ZNF43: variants seen among roughly 807,000 people sequenced by gnomAD.
The protein encoded by ZNF43 is zinc finger protein 39-like 1 (KOX 27).
A neutral mutation model predicts 68.4 loss-of-function variants in ZNF43; 44 were observed. The observed-to-expected ratio is 0.64, with a 90% CI of 0.51 to 0.83. ZNF43 has a LOEUF of 0.83. Ranked by LOEUF, ZNF43 falls within the 40% of genes least tolerant of loss-of-function variation. The pLI is 0.00. For missense variants in ZNF43, 896 were observed against 933.2 expected (o/e 0.96, Z 0.52); for synonymous variants, 308 against 307.8 (o/e 1.00, Z -0.01).
At chr19:21,827,293 A>G (rs1204722162) in intron 1 of ZNF43, 1 of 152,134 alleles carries the variant, frequency 6.6e-6, no homozygotes, top group Non-Finnish European at 1.5e-5. Flanking sequence ...TGAAGAATTG[A>G]AATCTTGAGT....
upstream of ZNF43, among the ~76,000 whole-genome samples, chr19:21,836,798 C>A (rs1296170577): frequency 3.3e-5 from 5 of 152,098 alleles, no homozygotes; most frequent in Non-Finnish European, 5.9e-5. Flanking sequence ...CACTAGATAG[C>A]CCAGAATGGT....
In ZNF43 at chr19:21,822,707, A is replaced by AG. The variant is rs376276818; in HGVS notation, c.4-3487dup. 8.7e-3 allele frequency among the ~76,000 whole-genome samples: 1,316 copies of AG among 152,060 alleles called. 24 individuals carry two copies. The highest frequency in any genetic ancestry group is 0.03 in the African/African-American group (1,250 of 41,448). On this transcript the variant is annotated intron_variant, in intron 1 of 3. Coordinates refer to ENST00000354959, the MANE Select transcript of ZNF43 (RefSeq NM_003423.4). Reference sequence around the variant, plus strand: ...GTAGTCCCAGCTACTGGGGAGGCTGAGGGGGGAGAATGACGTGAACCCAGG... The same window carrying AG: ...GTAGTCCCAGCTACTGGGGAGGCTGAGGGGGGGAGAATGACGTGAACCCAGG...
Position 21,821,507 on chromosome 19 carries a change from A to G in ZNF43, c.4-2286T>C, listed in dbSNP as rs888574719. 2.0e-5 allele frequency among the ~76,000 whole-genome samples: 3 copies of G among 152,196 alleles called. No individual in the cohort carries two copies. In the East Asian group the frequency reaches 5.8e-4, roughly 29 times the overall value. ...TTTAAACAAGCATTTTCTGAATCCT[A>G]TTCTGCATAGAGCTAATAAAAAACA... On this transcript the variant is annotated intron_variant, in intron 1 of 3. Coordinates refer to ENST00000354959, the MANE Select transcript of ZNF43 (RefSeq NM_003423.4).
At chr19:21,811,546 A>T (rs2037271650) in intron 3 of ZNF43, among the ~76,000 whole-genome samples, 1 of 150,906 alleles carries the variant, frequency 6.6e-6, no homozygotes, top group South Asian at 2.1e-4. Flanking sequence ...AAAAAAAAAA[A>T]CAAAAAAAAA....
chr19:21,851,835 TGAG>T, intron 1 of ZNF43: 2 of 1,491,166 alleles, frequency 1.3e-6, no homozygotes, highest in Non-Finnish European at 1.8e-6. Flanking sequence ...GAGCGGACTG[TGAG>T]GAGGCCGGTC....
At chr19:21,816,521 G>A (rs1017465520) in intron 3 of ZNF43, among the ~76,000 whole-genome samples, 14 of 152,088 alleles carry the variant, frequency 9.2e-5, no homozygotes, top group Non-Finnish European at 2.1e-4. Flanking sequence ...AGAAAATTCT[G>A]AACTTACTCT....
intron 1 of ZNF43, among the ~76,000 whole-genome samples, chr19:21,850,238 CAG>C (rs762614031): frequency 1.3e-5 from 2 of 152,162 alleles, no homozygotes; most frequent in Non-Finnish European, 2.9e-5. Context: ...GTGATTGATG[CAG>C]AGATATGTCA....
At chr19:21,810,859 C>G (rs914902369) in intron 3 of ZNF43, among the ~76,000 whole-genome samples, 1 of 152,116 alleles carries the variant, frequency 6.6e-6, no homozygotes, top group African/African-American at 2.4e-5. Context: ...CTAAGGTTGA[C>G]TTGAGCCCAG....
At chr19:21,820,909 C>T (rs1034412250) in intron 1 of ZNF43, among the ~76,000 whole-genome samples, 1 of 148,784 alleles carries the variant, frequency 6.7e-6, no homozygotes, top group African/African-American at 2.5e-5. Flanking sequence ...TCTCGGCTCA[C>T]TGTAACCTCT....
chr19:21,844,945 TATGTTACA>T (rs1454455656), intron 1 of ZNF43, among the ~76,000 whole-genome samples: 1 of 131,550 alleles, frequency 7.6e-6, no homozygotes, highest in African/African-American at 3.1e-5. Flanking sequence ...TATATATATA[TATGTTACA>T]ATGTTACAAT....
chr19:21,809,600 A>C lies in ZNF43; in HGVS notation c.437T>G (p.Phe146Cys). The change falls in exon 4 of 4, where the codon TTT becomes TGT. Residue 146 changes from phenylalanine to cysteine, a missense_variant. By Grantham distance (205) the Phe-to-Cys change is radical. Transcript: ENST00000354959. Reference protein sequence around the residue: ...QCLPATQSKIFLFDKCVKAFH... With the variant: ...QCLPATQSKICLFDKCVKAFH... ...GGCTTTCACACATTTATCAAATAGAAATATTTTGCTCTGGGTAGCTGGCAA... is the reference window on the plus strand; with the variant it reads ...GGCTTTCACACATTTATCAAATAGACATATTTTGCTCTGGGTAGCTGGCAA... 6.2e-7 allele frequency: 1 copy of C among 1,612,040 alleles called. No homozygotes were observed. The highest frequency in any genetic ancestry group is 2.2e-5 in the East Asian group (1 of 44,838).
In ZNF43 at chr19:21,807,950, T is replaced by C. The variant is rs763194714; in HGVS notation, c.2087A>G (p.His696Arg). ...AFKLSSTLST[H>R]KIIHTGEKPY... is the part of the protein sequence containing the mutation. ...TTTCTCTCCAGTATGAATAATCTTA[T>C]GTGTAGAAAGGGTTGAGGACAGTTT... Residue 696 changes from histidine to arginine, a missense_variant, in exon 4 of 4, where the codon CAT (histidine) becomes CGT (arginine). By Grantham distance (29) the His-to-Arg change is conservative. Transcript: ENST00000354959. 15 of 1,612,910 alleles carry C rather than the reference T, an allele frequency of 9.3e-6. No homozygotes were observed. The South Asian group carries it at 1.5e-4, about 17-fold the overall frequency.
chr19:21,820,238 A>G (rs1418417601), intron 1 of ZNF43, among the ~76,000 whole-genome samples: 12 of 133,668 alleles, frequency 9.0e-5, no homozygotes, highest in Admixed American at 8.6e-4. Flanking sequence ...TAATATATAC[A>G]TATATATTAA....
At chr19:21,840,883 G>C (rs1203316595), upstream of ZNF43, 7 of 152,174 alleles carry the variant, frequency 4.6e-5, no homozygotes, top group Admixed American at 3.9e-4. Context: ...AATTGGCTGG[G>C]TCTAGAGAAA....
intron 3 of ZNF43, among the ~76,000 whole-genome samples, chr19:21,816,692 T>G (rs2037543938): frequency 6.6e-6 from 1 of 152,162 alleles, no homozygotes; most frequent in African/African-American, 2.4e-5. Flanking sequence ...TATGGCCAGT[T>G]CTGCCTAACT....
In ZNF43 at chr19:21,843,743, T is replaced by G. The variant is rs146430493; in HGVS notation, c.30+8162A>C. Among the ~76,000 whole-genome samples the G allele has an allele frequency of 3.7e-3, 559 of 151,896 alleles. 8 individuals are homozygous for G. The highest frequency in any genetic ancestry group is 0.013 in the African/African-American group (532 of 41,442). On this transcript the variant is annotated intron_variant, in intron 1 of 3. Transcript: ENST00000357491. ...GGTGGAGTGAGCCAAGATCATGCCATTGCACTCCGGCCTGGGCAACAAGAG... is the reference window on the plus strand; with the variant it reads ...GGTGGAGTGAGCCAAGATCATGCCAGTGCACTCCGGCCTGGGCAACAAGAG...
At chr19:21,836,229 G>A, upstream of ZNF43, 5 of 1,417,946 alleles carry the variant, frequency 3.5e-6, no homozygotes, top group East Asian at 2.6e-5. Context: ...CTCCTGCCCC[G>A]TGCCTGATTG....
intron 1 of ZNF43, among the ~76,000 whole-genome samples, chr19:21,844,942 A>ATG: frequency 7.3e-6 from 1 of 136,414 alleles, no homozygotes; most frequent in Non-Finnish European, 1.5e-5. Flanking sequence ...ATATATATAT[A>ATG]TATATGTTAC....
intron 1 of ZNF43, among the ~76,000 whole-genome samples, chr19:21,851,749 G>A (rs547353731): frequency 3.3e-5 from 5 of 152,120 alleles, no homozygotes; most frequent in Non-Finnish European, 7.4e-5. Flanking sequence ...GACGCGGGAG[G>A]CTCGGCTGCG....
Sources: allele counts gnomAD v4.1 joint callset (sites outside exome capture counted in the v4.1 genomes callset), GRCh38; gene constraint gnomAD v4.1.1; transcripts MANE v1.5; gene names NCBI Gene and HGNC (gene_info 2026-07-23, HGNC 2026-07-21).